The following WDR35 variants were observed in gnomAD, a reference collection of about 807,000 sequenced individuals.
The protein encoded by WDR35 is WD repeat domain 35.
In WDR35, 118 loss-of-function variants were observed where a neutral mutation model predicts 158.3. That is an observed-to-expected ratio of 0.75 (90% confidence interval 0.64 to 0.87). WDR35 has a LOEUF of 0.87. WDR35 is among the 40% of genes least tolerant of loss of function. The pLI is 0.00. For missense variants in WDR35, 1,263 were observed against 1,405.8 expected (o/e 0.90, Z 1.62); for synonymous variants, 448 against 476.1 (o/e 0.94, Z 0.77).
At chr2:19,955,044 C>G (rs1378256776) in intron 11 of WDR35, among the ~76,000 whole-genome samples, 5 of 152,108 alleles carry the variant, frequency 3.3e-5, no homozygotes, top group Admixed American at 1.3e-4. Context: ...CCTCTGCCTC[C>G]CGGGTTCAAG....
chr2:19,958,635 A>G (rs997947192), intron 11 of WDR35, among the ~76,000 whole-genome samples: 3 of 152,236 alleles, frequency 2.0e-5, no homozygotes, highest in Non-Finnish European at 4.4e-5. Context: ...GCATTCAATA[A>G]ACATTTATTA....
intron 16 of WDR35, among the ~76,000 whole-genome samples, chr2:19,944,308 TTTAAAAGGCTGTTCTG>T (rs1338466463): frequency 6.6e-6 from 1 of 152,110 alleles, no homozygotes; most frequent in African/African-American, 2.4e-5. Context: ...ACAGTATGTT[TTTAAAAGGCTGTTCTG>T]TTAAAACTAC....
intron 10 of WDR35, among the ~76,000 whole-genome samples, chr2:19,964,981 T>A (rs1462162650): frequency 6.6e-6 from 1 of 152,074 alleles, no homozygotes; most frequent in East Asian, 1.9e-4. Flanking sequence ...TGGAGTGCAA[T>A]GGCACGATCC....
At chr2:19,941,518 C>T (rs926939515) in intron 17 of WDR35, among the ~76,000 whole-genome samples, 7 of 152,212 alleles carry the variant, frequency 4.6e-5, no homozygotes, top group African/African-American at 1.7e-4. Flanking sequence ...GTATTATTAT[C>T]TGTATTTTAT....
intron 17 of WDR35, among the ~76,000 whole-genome samples, chr2:19,939,309 A>C (rs1191361834): frequency 6.6e-6 from 1 of 152,208 alleles, no homozygotes; most frequent in Non-Finnish European, 1.5e-5. Context: ...CAATGTAAAA[A>C]TAATATATCT....
chr2:19,956,235 A>T (rs1408087170), intron 11 of WDR35, among the ~76,000 whole-genome samples: 1 of 152,224 alleles, frequency 6.6e-6, no homozygotes, highest in Non-Finnish European at 1.5e-5. Context: ...TTCTAATAAA[A>T]TCTCATTTTT....
At chr2:19,988,390 T>G (rs1444102763) in intron 2 of WDR35, among the ~76,000 whole-genome samples, 1 of 152,186 alleles carries the variant, frequency 6.6e-6, no homozygotes, top group Admixed American at 6.5e-5. Flanking sequence ...GGGTCTATTG[T>G]GTGGGGGTAG....
intron 21 of WDR35, among the ~76,000 whole-genome samples, chr2:19,933,818 C>A (rs1292905513): frequency 6.6e-6 from 1 of 152,124 alleles, no homozygotes; most frequent in Admixed American, 6.6e-5. Context: ...CAAAACAAAT[C>A]CCCCACCAGT....
At chr2:19,964,381 C>CTTTTTTTTTTTTTTTTTTTTTTTTT (rs558586617) in intron 10 of WDR35, among the ~76,000 whole-genome samples, 3 of 113,428 alleles carry the variant, frequency 2.6e-5, no homozygotes, top group African/African-American at 1.0e-4. Flanking sequence ...CTTTTCTTTT[C>CTTTTTTTTTTTTTTTTTTTTTTTTT]TTTTTTTTTT....
chr2:19,955,431 G>GTA (rs1417383939), intron 11 of WDR35, among the ~76,000 whole-genome samples: 11 of 152,244 alleles, frequency 7.2e-5, no homozygotes, highest in African/African-American at 2.4e-4. Flanking sequence ...AGCTCCTACT[G>GTA]TATATGCTTT....
At position 19,910,866 on chromosome 2, in the gene WDR35, C is replaced by G. The variant is rs1255203615; in HGVS notation, c.*2692G>C. On this transcript the variant is annotated 3_prime_UTR_variant, in exon 27 of 27. Transcript: ENST00000281405. ...CATTATGGCAGATCATTAAAACTTT[C>G]ACAGATATAGATACCAAAGAGGCAT... The G allele has an allele frequency of 6.6e-6, 1 of 152,100 alleles. No homozygotes were observed. The highest frequency in any genetic ancestry group is 1.5e-5 in the Non-Finnish European group (1 of 68,012). 9.4% of individuals were successfully genotyped at this position (152,100 alleles called of 1,614,324 possible). A position where few individuals can be genotyped will look rare whatever the true frequency, so the allele number is the denominator to read the frequency against.
intron 13 of WDR35, among the ~76,000 whole-genome samples, chr2:19,949,958 G>T (rs947365060): frequency 1.3e-5 from 2 of 152,138 alleles, no homozygotes; most frequent in African/African-American, 4.8e-5. Context: ...AACTTGGGGG[G>T]CTTTTGAGCT....
chr2:19,921,467 A>G (rs1670166078), intron 25 of WDR35, among the ~76,000 whole-genome samples: 1 of 152,232 alleles, frequency 6.6e-6, no homozygotes. Flanking sequence ...GACAAAAACA[A>G]GAAATGGGGA....
chr2:19,967,683 A>T (rs1671902214), intron 9 of WDR35, among the ~76,000 whole-genome samples: 2 of 152,138 alleles, frequency 1.3e-5, no homozygotes, highest in African/African-American at 4.8e-5. Flanking sequence ...AACCATGTTT[A>T]GCTTTTTGTA....
chr2:19,961,232 T>G (rs188576097), intron 10 of WDR35, among the ~76,000 whole-genome samples: 1 of 152,244 alleles, frequency 6.6e-6, no homozygotes, highest in East Asian at 1.9e-4. Context: ...AAAGGACAAC[T>G]CACTTTAAGA....
At chr2:19,939,618 T>G (rs1670805738) in intron 17 of WDR35, among the ~76,000 whole-genome samples, 1 of 152,174 alleles carries the variant, frequency 6.6e-6, no homozygotes, top group Non-Finnish European at 1.5e-5. Flanking sequence ...AATCCATATT[T>G]CCATATATAA....
intron 11 of WDR35, among the ~76,000 whole-genome samples, chr2:19,955,901 T>C (rs1268893487): frequency 2.0e-5 from 3 of 150,810 alleles, no homozygotes; most frequent in Non-Finnish European, 3.0e-5. Flanking sequence ...TCAGTCCAAC[T>C]GAGTAATTTT....
rs556724767 is a variant in WDR35, at chr2:19,989,980, C to A, written c.24+12G>T. ...ATGGCGGAGAAACGAGGACGCCCCC[C>A]AGGAAACTCACTTTCTTGCTCAGGT... is the stretch of plus-strand genomic sequence containing the variant. On this transcript the variant is annotated intron_variant, in intron 1 of 26. Coordinates refer to ENST00000281405, the MANE Select transcript of WDR35 (RefSeq NM_020779.4). 6 of 1,613,854 alleles carry A rather than the reference C, an allele frequency of 3.7e-6. No homozygotes were observed. In the African/African-American group the frequency reaches 5.3e-5, roughly 14 times the overall value.
chr2:19,964,145 C>T (rs1242412991), intron 10 of WDR35, among the ~76,000 whole-genome samples: 2 of 152,114 alleles, frequency 1.3e-5, no homozygotes, highest in Non-Finnish European at 1.5e-5. Context: ...TGATCCTTGA[C>T]GTTATGAAAT....
Sources: gnomAD v4.1 joint callset for allele counts (sites outside exome capture counted in the v4.1 genomes callset) on GRCh38, gnomAD v4.1.1 for gene constraint, MANE v1.5 for transcripts, NCBI Gene and HGNC (gene_info 2026-07-23, HGNC 2026-07-21) for gene names.